The following EBF1 variants were observed in gnomAD, a reference collection of about 807,000 sequenced individuals.
EBF1 encodes the protein EBF transcription factor 1, also known as transcription factor COE1.
Under a neutral mutation model 68.4 loss-of-function variants are expected in EBF1, and 10 were observed. That is an observed-to-expected ratio of 0.15 (90% CI 0.09 to 0.25). The LOEUF (loss-of-function observed/expected upper bound fraction) is 0.25. EBF1 is among the 10% of genes least tolerant of loss of function. EBF1 has a pLI of 1.00. For missense variants in EBF1, 509 were observed against 794.4 expected (o/e 0.64, Z 4.32); for synonymous variants, 298 against 299.8 (o/e 0.99, Z 0.06).
chr5:158,989,626 A>G (rs1759858625), intron 6 of EBF1, among the ~76,000 whole-genome samples: 1 of 152,212 alleles, frequency 6.6e-6, no homozygotes, highest in East Asian at 1.9e-4. Flanking sequence ...GCTCATGGTC[A>G]GAAGAGCAGA....
chr5:158,913,465 C>T (rs1806452501), intron 6 of EBF1, among the ~76,000 whole-genome samples: 1 of 152,132 alleles, frequency 6.6e-6, no homozygotes, highest in Admixed American at 6.5e-5. Flanking sequence ...TCAGAAATAG[C>T]CTTTGGTGGT....
intron 5 of EBF1, among the ~76,000 whole-genome samples, chr5:159,074,149 T>A (rs549926846): frequency 3.9e-5 from 6 of 152,108 alleles, no homozygotes; most frequent in Non-Finnish European, 7.4e-5. Context: ...TTATGGACAT[T>A]GGAAGTAAAG....
rs80258041 is a variant in EBF1, at chr5:158,722,726, A to G, written c.1125+8343T>C. ...AGCCTTTACAGATGGTCCTGAGTAT[A>G]ACTGCAATTAAAATCCACTGCTTCA... is the stretch of plus-strand genomic sequence containing the variant. On this transcript the variant is annotated intron_variant, in intron 11 of 15. Coordinates refer to ENST00000313708, the MANE Select transcript of EBF1 (RefSeq NM_024007.5). Among the ~76,000 whole-genome samples, 65 of 152,322 alleles carry G rather than the reference A, an allele frequency of 4.3e-4. 1 individual carries two copies. In the East Asian group the frequency reaches 0.011, roughly 26 times the overall value.
At chr5:158,936,463 C>T (rs1471980430) in intron 6 of EBF1, among the ~76,000 whole-genome samples, 1 of 152,198 alleles carries the variant, frequency 6.6e-6, no homozygotes, top group Admixed American at 6.5e-5. Context: ...GACTAAATGA[C>T]ATACACATAC....
At chr5:158,832,246 C>A (rs368726793) in intron 7 of EBF1, among the ~76,000 whole-genome samples, 2 of 152,300 alleles carry the variant, frequency 1.3e-5, no homozygotes, top group South Asian at 2.1e-4. Context: ...AAGTGCAGGG[C>A]GACCACTCAT....
chr5:158,862,103 T>C (rs890966610), intron 6 of EBF1, among the ~76,000 whole-genome samples: 2 of 152,234 alleles, frequency 1.3e-5, no homozygotes, highest in Non-Finnish European at 1.5e-5. Context: ...TTGGTGAACA[T>C]TCTTGTATGT....
intron 7 of EBF1, among the ~76,000 whole-genome samples, chr5:158,829,312 A>T (rs529273797): frequency 6.7e-6 from 1 of 149,978 alleles, no homozygotes; most frequent in East Asian, 1.9e-4. Context: ...AGTAGCTGGA[A>T]CTAGAGGCAT....
chr5:159,014,533 T>C (rs1422857604), intron 6 of EBF1, among the ~76,000 whole-genome samples: 3 of 152,222 alleles, frequency 2.0e-5, no homozygotes, highest in Non-Finnish European at 2.9e-5. Flanking sequence ...TTTCATTTTA[T>C]AGATGAAAAA....
At chr5:158,741,262 G>C (rs995949885) in intron 10 of EBF1, among the ~76,000 whole-genome samples, 1 of 152,030 alleles carries the variant, frequency 6.6e-6, no homozygotes, top group African/African-American at 2.4e-5. Context: ...GCTTTGCAAA[G>C]ATATGACACC....
intron 6 of EBF1, among the ~76,000 whole-genome samples, chr5:158,950,635 C>T (rs1283452941): frequency 6.6e-6 from 1 of 152,182 alleles, no homozygotes; most frequent in Non-Finnish European, 1.5e-5. Flanking sequence ...TCCTCAGTGG[C>T]CTGGGAGACA....
intron 10 of EBF1, among the ~76,000 whole-genome samples, chr5:158,776,496 T>C (rs116590672): frequency 0.022 from 3,394 of 152,230 alleles, 39 homozygotes; most frequent in East Asian, 0.04. Flanking sequence ...TGTTATCTCT[T>C]TGTGTGAAAG....
intron 6 of EBF1, among the ~76,000 whole-genome samples, chr5:158,946,203 C>T (rs1350556948): frequency 6.6e-6 from 1 of 152,182 alleles, no homozygotes; most frequent in Admixed American, 6.5e-5. Context: ...CAAACTAATT[C>T]TCCATCCTGT....
rs200410124 is a variant in EBF1, at chr5:159,073,492, T to C, written c.486-28A>G. On this transcript the variant is annotated intron_variant, in intron 5 of 15. Transcript: ENST00000313708. ...ATGGAGCAAAAGCGAAAGGATTTAGTACAACCATTACAATGTAAAATCATC... is the reference window on the plus strand; with the variant it reads ...ATGGAGCAAAAGCGAAAGGATTTAGCACAACCATTACAATGTAAAATCATC... 110 of 1,612,626 alleles carry C rather than the reference T, an allele frequency of 6.8e-5. No homozygotes were observed. In the East Asian group the frequency reaches 2.2e-3, roughly 33 times the overall value.
chr5:159,036,371 A>G (rs2127760730), intron 6 of EBF1, among the ~76,000 whole-genome samples: 1 of 151,576 alleles, frequency 6.6e-6, no homozygotes, highest in Admixed American at 6.6e-5. Flanking sequence ...AAAAGAACAA[A>G]GCTGGAGGTA....
chr5:158,699,837 G>A (rs750483676), intron 15 of EBF1, among the ~76,000 whole-genome samples: 5 of 152,204 alleles, frequency 3.3e-5, no homozygotes, highest in African/African-American at 9.7e-5. Flanking sequence ...ACTGTAGCCT[G>A]GGGAAGCTGG....
intron 1 of EBF1, among the ~76,000 whole-genome samples, chr5:159,098,478 G>A (rs896632157): frequency 6.6e-6 from 1 of 151,852 alleles, no homozygotes; most frequent in African/African-American, 2.4e-5. Context: ...GAAGGAGAAC[G>A]AGATAGCAGA....
chr5:158,900,134 C>A (rs1016181910), intron 6 of EBF1, among the ~76,000 whole-genome samples: 2 of 152,154 alleles, frequency 1.3e-5, no homozygotes, highest in African/African-American at 4.8e-5. Context: ...AAATTTTTCA[C>A]GTGAAGACAT....
At chr5:159,026,756 C>A (rs1330138620) in intron 6 of EBF1, among the ~76,000 whole-genome samples, 1 of 152,102 alleles carries the variant, frequency 6.6e-6, no homozygotes, top group Non-Finnish European at 1.5e-5. Flanking sequence ...GATAGTTGAT[C>A]TGGGAAGGAC....
In EBF1 at chr5:158,696,184, G is replaced by GTATT. The variant is rs1291297535; in HGVS notation, c.*2923_*2926dup. 4.6e-6 allele frequency: 1 copy of GTATT among 216,426 alleles called. No homozygotes were observed. The highest frequency in any genetic ancestry group is 2.3e-5 in the African/African-American group (1 of 44,342). 13.4% of individuals were successfully genotyped at this position (216,426 alleles called of 1,614,324 possible). On this transcript the variant is annotated 3_prime_UTR_variant, in exon 16 of 16. Transcript: ENST00000313708. ...TATGCAATCCAGTCATCCAGAAGCT[G>GTATT]TATTTTTTCCCCCAACACTGAAATC...
Sources: gnomAD v4.1 joint callset for allele counts (sites outside exome capture counted in the v4.1 genomes callset) on GRCh38, gnomAD v4.1.1 for gene constraint, MANE v1.5 for transcripts, NCBI Gene and HGNC (gene_info 2026-07-23, HGNC 2026-07-21) for gene names.